FMN1: variants seen among roughly 807,000 people sequenced by gnomAD.
FMN1 encodes formin 1.
FMN1 carries 110 observed loss-of-function variants against 132.4 expected under a neutral mutation model. The ratio of observed to expected loss-of-function variants is 0.83; its 90% CI spans 0.71 to 0.97. The LOEUF (loss-of-function observed/expected upper bound fraction) is 0.97. Ranked by LOEUF, FMN1 falls within the 50% of genes least tolerant of loss-of-function variation. FMN1 has a pLI of 0.00. For missense variants in FMN1, 1,792 were observed against 1,705.3 expected, an observed-to-expected ratio of 1.05 and a Z score of -0.90; for synonymous variants, 722 against 651.7, an observed-to-expected ratio of 1.11 and a Z score of -1.64.
intron 6 of FMN1, among the ~76,000 whole-genome samples, chr15:33,023,743 T>C (rs548863093): frequency 4.6e-5 from 7 of 151,952 alleles, no homozygotes; most frequent in African/African-American, 1.2e-4. Context: ...TACCAAAAAA[T>C]AGAGTACAAA....
At chr15:33,116,575 A>C (rs1452574775) in intron 4 of FMN1, among the ~76,000 whole-genome samples, 1 of 152,050 alleles carries the variant, frequency 6.6e-6, no homozygotes, top group African/African-American at 2.4e-5. Flanking sequence ...AGTTTGTCGA[A>C]AGTTTTTTTT....
chr15:33,126,270 A>C (rs1327551241), intron 4 of FMN1, among the ~76,000 whole-genome samples: 2 of 152,166 alleles, frequency 1.3e-5, no homozygotes, highest in Non-Finnish European at 2.9e-5. Flanking sequence ...GATCAAGGAA[A>C]CACCACTGTG....
intron 16 of FMN1, among the ~76,000 whole-genome samples, chr15:32,874,158 A>G (rs1284472980): frequency 1.3e-5 from 2 of 151,212 alleles, no homozygotes; most frequent in Non-Finnish European, 2.9e-5. Context: ...AGTAGCTTGG[A>G]TTACAGGTGC....
chr15:32,930,112 C>A (rs1423644495), intron 9 of FMN1, among the ~76,000 whole-genome samples: 7 of 150,594 alleles, frequency 4.6e-5, no homozygotes, highest in African/African-American at 1.7e-4. Context: ...GCCTCAGCCT[C>A]CCAAGTAGCT....
intron 17 of FMN1, among the ~76,000 whole-genome samples, chr15:32,824,036 C>T (rs998586782): frequency 2.6e-5 from 4 of 152,218 alleles, no homozygotes; most frequent in Admixed American, 1.3e-4. Flanking sequence ...TAAGATTTCA[C>T]TGAAGTGCTG....
chr15:32,885,376 T>C (rs1164605835), intron 16 of FMN1, among the ~76,000 whole-genome samples: 2 of 152,196 alleles, frequency 1.3e-5, no homozygotes, highest in Non-Finnish European at 2.9e-5. Context: ...AAACTTTCTG[T>C]CTGATCTCCA....
chr15:32,969,427 TATC>T lies in FMN1; in HGVS notation c.2271_2273del (p.Met757del), dbSNP rs1293190740. ...CAATGGTTTCTTCTAGTCTCGCTGT[TATC>T]ATTGCATGCTCGCCCCGGATATGAA... is the stretch of plus-strand genomic sequence containing the variant. On this transcript the variant is annotated inframe_deletion, in exon 8 of 21. Coordinates refer to ENST00000616417, the MANE Select transcript of FMN1 (RefSeq NM_001277313.2). The T allele has an allele frequency of 1.2e-6, 2 of 1,614,004 alleles. No homozygotes were observed. The highest frequency in any genetic ancestry group is 1.1e-5 in the South Asian group (1 of 91,086).
chr15:33,116,858 A>G (rs1043794889), intron 4 of FMN1, among the ~76,000 whole-genome samples: 1 of 152,208 alleles, frequency 6.6e-6, no homozygotes, highest in African/African-American at 2.4e-5. Context: ...GAAAATGGAA[A>G]TAACAGAGAT....
At chr15:33,007,300 C>T (rs1449594603) in intron 7 of FMN1, among the ~76,000 whole-genome samples, 1 of 152,194 alleles carries the variant, frequency 6.6e-6, no homozygotes, top group Non-Finnish European at 1.5e-5. Context: ...TGAAATTTTG[C>T]TGTCATTCTC....
chr15:32,960,856 A>G (rs1321140137), intron 9 of FMN1, among the ~76,000 whole-genome samples: 1 of 151,726 alleles, frequency 6.6e-6, no homozygotes, highest in Non-Finnish European at 1.5e-5. Flanking sequence ...TTAGCCGGGC[A>G]TGGTGGTGCA....
rs1474506488 is a variant in FMN1, at chr15:32,770,276, T to C, written c.*4034A>G. 6.6e-6 allele frequency: 1 copy of C among 152,304 alleles called. No individual in the cohort carries two copies. The highest frequency in any genetic ancestry group is 6.5e-5 in the Admixed American group (1 of 15,304). The allele number at this position is 152,304 out of a possible 1,614,324, so 9.4% of individuals were successfully genotyped here. A position where few individuals can be genotyped will look rare whatever the true frequency, so the allele number is the denominator to read the frequency against. ...CATTCACACACTGACTTGGCGCAAT[T>C]TGCTGTGCTGTTGTATGCAATGATC... On this transcript the variant is annotated 3_prime_UTR_variant, in exon 21 of 21. Coordinates refer to ENST00000616417, the MANE Select transcript of FMN1 (RefSeq NM_001277313.2).
At chr15:33,018,920 C>G (rs1489496591) in intron 6 of FMN1, among the ~76,000 whole-genome samples, 1 of 152,160 alleles carries the variant, frequency 6.6e-6, no homozygotes, top group East Asian at 1.9e-4. Context: ...AGGAGTGAAG[C>G]TGCAGACCTT....
intron 9 of FMN1, among the ~76,000 whole-genome samples, chr15:32,959,674 A>G (rs2030282889): frequency 6.6e-6 from 1 of 152,212 alleles, no homozygotes. Flanking sequence ...CAGAGAAACA[A>G]AATAAATGTT....
At chr15:32,973,865 C>G (rs908134200) in intron 7 of FMN1, among the ~76,000 whole-genome samples, 1 of 152,148 alleles carries the variant, frequency 6.6e-6, no homozygotes, top group East Asian at 1.9e-4. Flanking sequence ...CCTGTTAGTA[C>G]CACTTCACTT....
chr15:32,866,182 C>T (rs191032361), intron 16 of FMN1, among the ~76,000 whole-genome samples: 3 of 143,928 alleles, frequency 2.1e-5, no homozygotes, highest in East Asian at 2.0e-4. Context: ...ACATATGTAA[C>T]AAACCTGCAC....
chr15:32,780,471 G>T (rs529120899), intron 19 of FMN1, among the ~76,000 whole-genome samples: 1 of 152,190 alleles, frequency 6.6e-6, no homozygotes, highest in Non-Finnish European at 1.5e-5. Context: ...AGGGAGGCAT[G>T]AATAATCTAT....
chr15:33,073,318 T>G (rs2038069845), intron 5 of FMN1, among the ~76,000 whole-genome samples: 1 of 152,218 alleles, frequency 6.6e-6, no homozygotes, highest in Non-Finnish European at 1.5e-5. Context: ...ACAAATTGCT[T>G]CTAGCTTCCC....
At chr15:32,836,773 T>C (rs564355142) in intron 17 of FMN1, among the ~76,000 whole-genome samples, 35 of 152,280 alleles carry the variant, frequency 2.3e-4, no homozygotes, top group African/African-American at 7.9e-4. Flanking sequence ...TTAAATAACA[T>C]AGTTTCCAAA....
Position 32,813,286 on chromosome 15 carries a change from T to C in FMN1, c.3929-8954A>G, listed in dbSNP as rs187484344. ...CAAACACTTAACCACATTATACATC[T>C]AGTCTGTGATCAATAGTAACTACTG... On this transcript the variant is annotated intron_variant, in intron 17 of 20. Coordinates refer to ENST00000616417, the MANE Select transcript of FMN1 (RefSeq NM_001277313.2). 1.7e-3 allele frequency among the ~76,000 whole-genome samples: 258 copies of C among 152,332 alleles called. 2 individuals carry two copies. Among genetic ancestry groups the C allele is most frequent in the Non-Finnish European group, 3.1e-3 (208 of 68,030 alleles).
Sources: gnomAD v4.1 joint callset for allele counts (sites outside exome capture counted in the v4.1 genomes callset) on GRCh38, gnomAD v4.1.1 for gene constraint, MANE v1.5 for transcripts, NCBI Gene and HGNC (gene_info 2026-07-23, HGNC 2026-07-21) for gene names.